The following KANK1 variants were observed in gnomAD, a reference collection of about 807,000 sequenced individuals.
KANK1 encodes the protein KN motif and ankyrin repeat domain-containing protein 1.
In KANK1, 109 loss-of-function variants were observed where a neutral mutation model predicts 106.2. The ratio of observed to expected loss-of-function variants is 1.03; its 90% CI spans 0.88 to 1.20. The LOEUF is 1.20. KANK1 is among the 50% of genes most tolerant of loss of function. The probability of loss-of-function intolerance (pLI) is 0.00; values close to 1 mark genes in which losing one functional copy is unlikely to be tolerated. For synonymous variants in KANK1, 873 were observed against 652.2 expected, an observed-to-expected ratio of 1.34 and a Z score of -5.16; for missense variants, 2,399 against 1,710.7, an observed-to-expected ratio of 1.40 and a Z score of -7.10.
rs1205484096 is a variant in KANK1 at position 727,698 on chromosome 9, GTGTGTGTGTGTGTGTGTGTA to G, written c.2699-2340_2699-2321del. Among the ~76,000 whole-genome samples, 6 of 151,676 alleles carry G rather than the reference GTGTGTGTGTGTGTGTGTGTA, an allele frequency of 4.0e-5. No individual in the cohort carries two copies. In the South Asian group the frequency reaches 1.1e-3, roughly 27 times the overall value. ...ACTTTTCATGTGTGTGTGTGTGTGT[GTGTGTGTGTGTGTGTGTGTA>G]TGTGTGTGTGTGGTAATGTATTTTA... On this transcript the variant is annotated intron_variant, in intron 3 of 11. Coordinates refer to ENST00000382297, the MANE Select transcript of KANK1 (RefSeq NM_015158.5).
At chr9:701,077 G>T (rs1170909857) in intron 2 of KANK1, among the ~76,000 whole-genome samples, 1 of 152,106 alleles carries the variant, frequency 6.6e-6, no homozygotes, top group Non-Finnish European at 1.5e-5. Flanking sequence ...GCACTTGAGC[G>T]TAGTGTTATT....
intron 1 of KANK1, among the ~76,000 whole-genome samples, chr9:655,544 A>G (rs1282131688): frequency 1.3e-5 from 2 of 152,152 alleles, no homozygotes; most frequent in African/African-American, 4.8e-5. Flanking sequence ...TGGAATGCAG[A>G]TTGATTCTGT....
chr9:491,271 T>G, intron 3 of KANK1, among the ~76,000 whole-genome samples: 1 of 144,862 alleles, frequency 6.9e-6, no homozygotes. Context: ...CTGGAGTGCA[T>G]TTTCTTTTTT....
chr9:481,713 A>T (rs990986994), intron 3 of KANK1, among the ~76,000 whole-genome samples: 1 of 152,008 alleles, frequency 6.6e-6, no homozygotes, highest in Admixed American at 6.6e-5. Flanking sequence ...AAGAACAAAT[A>T]GGTCTGACAT....
upstream of KANK1, among the ~76,000 whole-genome samples, chr9:502,156 G>A (rs957810344): frequency 5.3e-5 from 8 of 152,166 alleles, no homozygotes; most frequent in African/African-American, 1.9e-4. Flanking sequence ...CATAGAGACA[G>A]AAAGTAAATT....
chr9:553,871 A>G (rs915424557), intron 1 of KANK1, among the ~76,000 whole-genome samples: 1 of 152,202 alleles, frequency 6.6e-6, no homozygotes, highest in Non-Finnish European at 1.5e-5. Context: ...GGAAATCTGA[A>G]TGAATGCTCA....
At chr9:601,723 C>T (rs1827794768) in intron 1 of KANK1, among the ~76,000 whole-genome samples, 1 of 151,844 alleles carries the variant, frequency 6.6e-6, no homozygotes. Flanking sequence ...GGAGCTCCTT[C>T]AGGCTGACTC....
chr9:477,563 G>A (rs746748973), intron 3 of KANK1, among the ~76,000 whole-genome samples: 10 of 152,170 alleles, frequency 6.6e-5, no homozygotes. Context: ...AATGTCAGGG[G>A]AAGAAAAGAT....
At chr9:570,306 C>G (rs73639371) in intron 1 of KANK1, among the ~76,000 whole-genome samples, 3,622 of 152,188 alleles carry the variant, frequency 0.024, 143 homozygotes, top group African/African-American at 0.082. Flanking sequence ...TAGTAAGCCC[C>G]GAATAGAAAG....
chr9:555,882 A>G (rs376680311), intron 1 of KANK1, among the ~76,000 whole-genome samples: 1 of 152,244 alleles, frequency 6.6e-6, no homozygotes, highest in African/African-American at 2.4e-5. Flanking sequence ...CTGTTTAAAT[A>G]AAAACAAACA....
At chr9:721,117 G>C (rs532365828) in intron 3 of KANK1, among the ~76,000 whole-genome samples, 1 of 152,290 alleles carries the variant, frequency 6.6e-6, no homozygotes, top group African/African-American at 2.4e-5. Context: ...GGAATGGCAT[G>C]TTTACAGAGT....
intron 1 of KANK1, among the ~76,000 whole-genome samples, chr9:623,978 A>C (rs1378738661): frequency 6.6e-6 from 1 of 152,184 alleles, no homozygotes; most frequent in African/African-American, 2.4e-5. Flanking sequence ...GAAACAACCC[A>C]AGTGCCATTT....
intron 1 of KANK1, among the ~76,000 whole-genome samples, chr9:550,361 T>C (rs2061202151): frequency 6.6e-6 from 1 of 152,322 alleles, no homozygotes; most frequent in South Asian, 2.1e-4. Flanking sequence ...TAGCCACTCC[T>C]TTTTCCCTGC....
intron 1 of KANK1, among the ~76,000 whole-genome samples, chr9:618,404 C>G (rs1371599859): frequency 6.6e-6 from 1 of 152,084 alleles, no homozygotes; most frequent in Non-Finnish European, 1.5e-5. Flanking sequence ...GACAGGGTTT[C>G]ACCATATCGG....
chr9:682,387 T>C (rs1203926220), intron 2 of KANK1, among the ~76,000 whole-genome samples: 1 of 152,192 alleles, frequency 6.6e-6, no homozygotes, highest in Non-Finnish European at 1.5e-5. Flanking sequence ...ATTTTTAGTA[T>C]TTATTTTTCA....
At chr9:490,347 ATTAAAAAGAAAAAAAAGC>A (rs2058357825) in intron 3 of KANK1, among the ~76,000 whole-genome samples, 1 of 151,684 alleles carries the variant, frequency 6.6e-6, no homozygotes, top group Admixed American at 6.6e-5. Context: ...CCCTACTAAA[ATTAAAAAGAAAAAAAAGC>A]CAGGCACAGT....
At chr9:581,167 C>G (rs1822032892) in intron 1 of KANK1, among the ~76,000 whole-genome samples, 1 of 152,192 alleles carries the variant, frequency 6.6e-6, no homozygotes, top group African/African-American at 2.4e-5. Flanking sequence ...CTCCACATCT[C>G]CCCGCAAGCA....
chr9:651,496 G>A (rs986587102), intron 1 of KANK1, among the ~76,000 whole-genome samples: 6 of 152,170 alleles, frequency 3.9e-5, no homozygotes, highest in African/African-American at 1.4e-4. Flanking sequence ...TGTGTTGGGT[G>A]TATGTGTAAG....
chr9:587,517 TAG>T (rs1159958392), intron 1 of KANK1, among the ~76,000 whole-genome samples: 4 of 152,082 alleles, frequency 2.6e-5, no homozygotes, highest in Admixed American at 6.5e-5. Context: ...ACCTAGAAAA[TAG>T]AGAGTTTAAA....
Sources: gnomAD v4.1 joint callset for allele counts (sites outside exome capture counted in the v4.1 genomes callset) on GRCh38, gnomAD v4.1.1 for gene constraint, MANE v1.5 for transcripts, NCBI Gene and HGNC (gene_info 2026-07-23, HGNC 2026-07-21) for gene names.